Variants in ZNF536 observed in about 807,000 individuals in gnomAD.
ZNF536 encodes the protein zinc finger protein 536.
ZNF536 carries 13 observed loss-of-function variants against 84.5 expected under a neutral mutation model. The observed-to-expected ratio is 0.15, with a 90% confidence interval of 0.10 to 0.24. ZNF536 has a LOEUF of 0.24. ZNF536 is among the 10% of genes least tolerant of loss of function. The probability of loss-of-function intolerance (pLI) is 1.00; values close to 1 mark genes in which losing one functional copy is unlikely to be tolerated. For missense variants in ZNF536, 1,536 were observed against 1,747.5 expected (o/e 0.88, Z 2.16); for synonymous variants, 811 against 742.5 (o/e 1.09, Z -1.50).
intron 1 of ZNF536, among the ~76,000 whole-genome samples, chr19:30,423,125 C>CCATCCATCCATG (rs760766604): frequency 0.093 from 8,524 of 91,796 alleles, 883 homozygotes; most frequent in African/African-American, 0.19. Flanking sequence ...ATCCATGCAT[C>CCATCCATCCATG]CATCCATCCA....
intron 1 of ZNF536, among the ~76,000 whole-genome samples, chr19:30,570,570 C>A (rs951527286): frequency 6.6e-6 from 1 of 152,086 alleles, no homozygotes; most frequent in East Asian, 1.9e-4. Flanking sequence ...TAACCGTTGT[C>A]AACAGAACAA....
At chr19:30,459,179 G>A (rs1231067558) in intron 2 of ZNF536, among the ~76,000 whole-genome samples, 1 of 151,904 alleles carries the variant, frequency 6.6e-6, no homozygotes, top group Non-Finnish European at 1.5e-5. Flanking sequence ...AACACAAACA[G>A]GTGAAAATGG....
At chr19:30,254,893 G>A (rs2024828260) in intron 1 of ZNF536, among the ~76,000 whole-genome samples, 1 of 152,144 alleles carries the variant, frequency 6.6e-6, no homozygotes, top group African/African-American at 2.4e-5. Context: ...GTTAGCACTG[G>A]ACTTAAAAGT....
chr19:30,688,335 C>T lies in ZNF536; in HGVS notation c.170-22422C>T, dbSNP rs62103456. On this transcript the variant is annotated intron_variant, in intron 1 of 1. Coordinates refer to the ZNF536 transcript ENST00000592773. The stretch of plus-strand genomic sequence containing the variant: ...GTCCTTGCTTTGAGGAGAGTGTGTG[C>T]GTGAGGACTCTTTGTTCTGAGTGTC... 3.0e-3 allele frequency among the ~76,000 whole-genome samples: 462 copies of T among 152,228 alleles called. 2 individuals are homozygous for T. The highest frequency in any genetic ancestry group is 0.01 in the Middle Eastern group (3 of 294).
chr19:30,385,784 A>T (rs1414926134), intron 1 of ZNF536, among the ~76,000 whole-genome samples: 1 of 152,154 alleles, frequency 6.6e-6, no homozygotes, highest in Non-Finnish European at 1.5e-5. Context: ...TCCATCATGA[A>T]TCTCCTGTCT....
intron 1 of ZNF536, among the ~76,000 whole-genome samples, chr19:30,642,180 A>G (rs1381040836): frequency 1.3e-5 from 2 of 152,220 alleles, no homozygotes; most frequent in Non-Finnish European, 2.9e-5. Flanking sequence ...TGGTGACTCT[A>G]TAAATCAGAA....
intron 1 of ZNF536, among the ~76,000 whole-genome samples, chr19:30,564,087 G>A (rs1269796823): frequency 6.6e-6 from 1 of 152,142 alleles, no homozygotes; most frequent in Non-Finnish European, 1.5e-5. Flanking sequence ...GAAGAGAAAT[G>A]CATGAAGATA....
chr19:30,433,776 C>T (rs1485099085), intron 1 of ZNF536, among the ~76,000 whole-genome samples: 2 of 152,122 alleles, frequency 1.3e-5, no homozygotes, highest in Non-Finnish European at 2.9e-5. Flanking sequence ...GGATTACAGG[C>T]GTGAGCCACC....
At chr19:30,706,777 A>G (rs2052252343) in intron 1 of ZNF536, among the ~76,000 whole-genome samples, 1 of 152,226 alleles carries the variant, frequency 6.6e-6, no homozygotes, top group Non-Finnish European at 1.5e-5. Context: ...GAATAAATGA[A>G]TGACTTAGCC....
At chr19:30,509,962 G>A (rs539378754) in intron 2 of ZNF536, among the ~76,000 whole-genome samples, 1 of 152,350 alleles carries the variant, frequency 6.6e-6, no homozygotes, top group African/African-American at 2.4e-5. Flanking sequence ...TTATCAAGAT[G>A]AGTGGGCCTC....
chr19:30,623,031 T>TG (rs2048543496), intron 1 of ZNF536, among the ~76,000 whole-genome samples: 1 of 134,430 alleles, frequency 7.4e-6, no homozygotes, highest in African/African-American at 2.9e-5. Context: ...TTTTTTTTTT[T>TG]GTTTTTTTGT....
chr19:30,522,193 A>G (rs1447782650), intron 2 of ZNF536, among the ~76,000 whole-genome samples: 1 of 139,236 alleles, frequency 7.2e-6, no homozygotes, highest in African/African-American at 2.8e-5. Context: ...TTGGAAGTCC[A>G]CCAGCTGGGA....
At chr19:30,624,284 T>C (rs2048596668) in intron 1 of ZNF536, among the ~76,000 whole-genome samples, 2 of 152,190 alleles carry the variant, frequency 1.3e-5, no homozygotes, top group Admixed American at 1.3e-4. Context: ...ATGAAAGCTT[T>C]TAGCATCTGT....
intron 2 of ZNF536, among the ~76,000 whole-genome samples, chr19:30,341,898 G>T (rs912002787): frequency 6.6e-6 from 1 of 152,086 alleles, no homozygotes; most frequent in Non-Finnish European, 1.5e-5. Context: ...GTACATGCTG[G>T]GTTAATTAAT....
At chr19:30,371,036 C>G (rs919635231), upstream of ZNF536, among the ~76,000 whole-genome samples, 17 of 152,176 alleles carry the variant, frequency 1.1e-4, no homozygotes, top group African/African-American at 4.1e-4. Flanking sequence ...ATCTAAATCT[C>G]ATAAGTGATG....
At chr19:30,628,422 A>G (rs2048765706) in intron 1 of ZNF536, among the ~76,000 whole-genome samples, 1 of 132,874 alleles carries the variant, frequency 7.5e-6, no homozygotes, top group African/African-American at 2.8e-5. Context: ...CAGCTCATCC[A>G]GTAGTCACTT....
intron 2 of ZNF536, among the ~76,000 whole-genome samples, chr19:30,336,446 G>A (rs1321990298): frequency 2.6e-5 from 4 of 152,234 alleles, no homozygotes; most frequent in African/African-American, 9.6e-5. Flanking sequence ...AGCACACCAT[G>A]CCTTGCCAGA....
chr19:30,254,243 C>T (rs1021921940), intron 1 of ZNF536, among the ~76,000 whole-genome samples: 1 of 152,192 alleles, frequency 6.6e-6, no homozygotes. Flanking sequence ...TACCCACTAT[C>T]TCTCCCCTGG....
chr19:30,494,308 CTT>C lies in ZNF536; in HGVS notation c.2171-40537_2171-40536del, dbSNP rs2145169466. Among the ~76,000 whole-genome samples the C allele has an allele frequency of 1.3e-5, 2 of 152,324 alleles. 1 individual carries two copies. The highest frequency in any genetic ancestry group is 4.1e-4 in the South Asian group (2 of 4,826). ...AGGTCAGTGTCCCGACAAGTGGACA[CTT>C]TGCACTACGGGAACAGCTATTGCCA... On this transcript the variant is annotated intron_variant, in intron 2 of 4. Transcript: ENST00000355537.
Sources: gnomAD v4.1 joint callset for allele counts (sites outside exome capture counted in the v4.1 genomes callset) on GRCh38, gnomAD v4.1.1 for gene constraint, MANE v1.5 for transcripts, NCBI Gene and HGNC (gene_info 2026-07-23, HGNC 2026-07-21) for gene names.